The following CLVS2 variants were observed in gnomAD, a reference collection of about 807,000 sequenced individuals.
The protein encoded by CLVS2 is clavesin 2, also known as clavesin-2.
A neutral mutation model predicts 29.0 loss-of-function variants in CLVS2; 19 were observed. That is an observed-to-expected ratio of 0.66 (90% CI 0.46 to 0.96). The LOEUF is 0.96. Ranked by LOEUF, CLVS2 falls within the 40% of genes least tolerant of loss-of-function variation. The probability of loss-of-function intolerance (pLI) is 0.00; values close to 1 mark genes in which losing one functional copy is unlikely to be tolerated. For synonymous variants in CLVS2, 161 were observed against 151.3 expected (o/e 1.06, Z -0.47); for missense variants, 294 against 404.1 (o/e 0.73, Z 2.34).
chr6:122,996,917 G>T (rs796357986), intron 1 of CLVS2, among the ~76,000 whole-genome samples, 171 bp downstream of exon 1: 6 of 130,140 alleles, frequency 4.6e-5, no homozygotes, highest in South Asian at 2.9e-4. Context: ...CTCCAACCCC[G>T]CGGCAAGTCC....
chr6:123,028,524 C>A lies in CLVS2; in HGVS notation c.564+17365C>A, dbSNP rs148727473. Among the ~76,000 whole-genome samples, 868 of 152,270 alleles carry A rather than the reference C, an allele frequency of 5.7e-3. 9 individuals are homozygous for A. The highest frequency in any genetic ancestry group is 0.02 in the African/African-American group (826 of 41,562). Reference sequence around the variant, plus strand: ...AACAAACAAACAAACCAAACAAGGTCATGCAGCTTTTGTTTATGCACATTC... The same window carrying A: ...AACAAACAAACAAACCAAACAAGGTAATGCAGCTTTTGTTTATGCACATTC... On this transcript the variant is annotated intron_variant, in intron 3 of 5. Transcript: ENST00000275162.
chr6:123,044,691 G>GT (rs889480958), intron 3 of CLVS2, among the ~76,000 whole-genome samples: 7 of 151,598 alleles, frequency 4.6e-5, no homozygotes, highest in Non-Finnish European at 8.8e-5. Context: ...GTCTCGGCTG[G>GT]TAGAGGGATG....
intron 5 of CLVS2, among the ~76,000 whole-genome samples, chr6:123,063,351 C>A (rs1422990545): frequency 2.0e-5 from 3 of 151,944 alleles, no homozygotes; most frequent in Non-Finnish European, 4.4e-5. Context: ...AAACATCTAT[C>A]CTACACTAGA....
chr6:123,039,720 C>A (rs1274882491), intron 3 of CLVS2, among the ~76,000 whole-genome samples: 1 of 152,118 alleles, frequency 6.6e-6, no homozygotes, highest in Non-Finnish European at 1.5e-5. Context: ...GTGAGAAGGC[C>A]ATGTATGTTT....
chr6:123,058,146 T>C (rs1472337967), intron 5 of CLVS2, among the ~76,000 whole-genome samples: 3 of 150,368 alleles, frequency 2.0e-5, no homozygotes, highest in Non-Finnish European at 3.0e-5. Context: ...AGTAGGTGTC[T>C]TTTTTTTACA....
intron 3 of CLVS2, among the ~76,000 whole-genome samples, chr6:123,041,193 C>A (rs924761090): frequency 6.6e-6 from 1 of 152,076 alleles, no homozygotes; most frequent in African/African-American, 2.4e-5. Flanking sequence ...AAGGATAGTT[C>A]TGAGTTGCAG....
intron 2 of CLVS2, among the ~76,000 whole-genome samples, chr6:123,002,804 A>G (rs749253346): frequency 2.6e-5 from 4 of 152,166 alleles, no homozygotes; most frequent in Admixed American, 6.6e-5. Context: ...ACATTGTCAT[A>G]CCTACTGGCA....
chr6:123,006,436 G>C (rs1194480957), intron 2 of CLVS2, among the ~76,000 whole-genome samples: 1 of 152,156 alleles, frequency 6.6e-6, no homozygotes, highest in East Asian at 1.9e-4. Flanking sequence ...TCTCACAATA[G>C]AGGGTAGGCA....
At chr6:123,039,671 C>G (rs1175594784) in intron 3 of CLVS2, among the ~76,000 whole-genome samples, 9 of 152,166 alleles carry the variant, frequency 5.9e-5, no homozygotes, top group Admixed American at 5.9e-4. Flanking sequence ...TGACTTGCTT[C>G]CATCTGTTAT....
At chr6:123,043,839 T>C (rs1359133885) in intron 3 of CLVS2, among the ~76,000 whole-genome samples, 2 of 152,224 alleles carry the variant, frequency 1.3e-5, no homozygotes, top group East Asian at 3.9e-4. Context: ...TTCATCAAAA[T>C]TTATTTAAAA....
intron 2 of CLVS2, among the ~76,000 whole-genome samples, chr6:123,000,744 A>G (rs935250809): frequency 2.0e-5 from 3 of 152,242 alleles, no homozygotes; most frequent in Non-Finnish European, 4.4e-5. Flanking sequence ...GGATTTCTCC[A>G]GAAGACTGCA....
intron 4 of CLVS2, among the ~76,000 whole-genome samples, chr6:123,049,804 T>TGGGGGGGGGG (rs531705671): frequency 1.6e-4 from 19 of 118,856 alleles, no homozygotes; most frequent in South Asian, 2.9e-4. Flanking sequence ...TGTTGTGGGA[T>TGGGGGGGGGG]GGGGGGCGGG....
At chr6:122,999,290 G>A (rs1048320354) in intron 2 of CLVS2, among the ~76,000 whole-genome samples, 4 of 152,124 alleles carry the variant, frequency 2.6e-5, no homozygotes, top group African/African-American at 4.8e-5. Flanking sequence ...ATAGGCTTCC[G>A]AGTCTTGGTA....
chr6:123,049,804 TGG>T (rs531705671), intron 4 of CLVS2, among the ~76,000 whole-genome samples: 6 of 118,934 alleles, frequency 5.0e-5, no homozygotes, highest in African/African-American at 2.1e-4. Flanking sequence ...TGTTGTGGGA[TGG>T]GGGGCGGGGA....
rs1221949116 is a variant in CLVS2, at chr6:123,068,916, A to AT, written c.*5156dup. The AT allele has an allele frequency of 6.6e-6, 1 of 151,576 alleles. No homozygotes were observed. Among genetic ancestry groups the AT allele is most frequent in the African/African-American group, 2.4e-5 (1 of 41,362 alleles). 9.4% of individuals were successfully genotyped at this position (151,576 alleles called of 1,614,324 possible). ...TATACATTTATTTTGCACATTGTTA[A>AT]TGTTAAATTTGGTAGTCCTGGATCT... On this transcript the variant is annotated 3_prime_UTR_variant, in exon 6 of 6. Transcript: ENST00000275162.
At chr6:123,033,826 A>G (rs1490575773) in intron 3 of CLVS2, among the ~76,000 whole-genome samples, 1 of 152,112 alleles carries the variant, frequency 6.6e-6, no homozygotes, top group Non-Finnish European at 1.5e-5. Flanking sequence ...CTGACAAAAG[A>G]CTTTTATCTA....
chr6:123,016,357 T>C (rs1774834483), intron 3 of CLVS2, among the ~76,000 whole-genome samples: 1 of 142,366 alleles, frequency 7.0e-6, no homozygotes, highest in Non-Finnish European at 1.5e-5. Context: ...AGGGGGAGGG[T>C]TACTGTGTTT....
intron 4 of CLVS2, among the ~76,000 whole-genome samples, chr6:123,052,659 A>G (rs1039689119): frequency 1.3e-5 from 2 of 152,210 alleles, no homozygotes; most frequent in African/African-American, 2.4e-5. Context: ...ATAGCACCAA[A>G]AAGATTTACT....
intron 3 of CLVS2, among the ~76,000 whole-genome samples, chr6:123,023,237 C>A (rs1582650801): frequency 6.6e-6 from 1 of 152,178 alleles, no homozygotes; most frequent in African/African-American, 2.4e-5. Context: ...TTCTCTCTAG[C>A]CATCAAGGCC....
Sources: allele counts gnomAD v4.1 joint callset (sites outside exome capture counted in the v4.1 genomes callset), GRCh38; gene constraint gnomAD v4.1.1; transcripts MANE v1.5; gene names NCBI Gene and HGNC (gene_info 2026-07-23, HGNC 2026-07-21).